Variants in GNAZ observed in about 807,000 individuals in gnomAD.
The protein encoded by GNAZ is G protein subunit alpha z.
GNAZ carries 3 observed loss-of-function variants against 25.4 expected under a neutral mutation model. That is an observed-to-expected ratio of 0.12 (90% CI 0.05 to 0.30). The LOEUF (loss-of-function observed/expected upper bound fraction) is 0.30, where lower values mean the gene tolerates loss of function less well. GNAZ is among the 10% of genes least tolerant of loss of function. The pLI, the probability that GNAZ is intolerant of heterozygous loss-of-function variation, is 1.00. For missense variants in GNAZ, 241 were observed against 501.8 expected, an observed-to-expected ratio of 0.48 and a Z score of 4.97; for synonymous variants, 211 against 205.7, an observed-to-expected ratio of 1.03 and a Z score of -0.22.
At chr22:23,078,757 G>A (rs910449507) in intron 1 of GNAZ, among the ~76,000 whole-genome samples, 1 of 152,220 alleles carries the variant, frequency 6.6e-6, no homozygotes, top group Non-Finnish European at 1.5e-5. Context: ...GGGGCTGAGG[G>A]GCCATGCAAT....
At position 23,117,036 on chromosome 22, in the gene GNAZ, C is replaced by A. The variant is rs931626143; in HGVS notation, c.724-6051C>A. Among the ~76,000 whole-genome samples the A allele has an allele frequency of 2.0e-5, 3 of 152,230 alleles. No homozygotes were observed. The South Asian group carries it at 6.2e-4, about 32-fold the overall frequency. ...GCTGGGGGATCTGTGCGCCTCAGCTCCAAAGTACAGGAGCTAGACTCCAGT... is the reference window on the plus strand; with the variant it reads ...GCTGGGGGATCTGTGCGCCTCAGCTACAAAGTACAGGAGCTAGACTCCAGT... On this transcript the variant is annotated intron_variant, in intron 2 of 2. Coordinates refer to ENST00000615612, the MANE Select transcript of GNAZ (RefSeq NM_002073.4).
intron 1 of GNAZ, among the ~76,000 whole-genome samples, chr22:23,090,201 T>G (rs1210107491): frequency 6.6e-6 from 1 of 152,056 alleles, no homozygotes; most frequent in Non-Finnish European, 1.5e-5. Context: ...CCTTTCCCAG[T>G]ACCTGCCACT....
chr22:23,098,159 C>T (rs1328608937), intron 2 of GNAZ, among the ~76,000 whole-genome samples: 3 of 152,370 alleles, frequency 2.0e-5, no homozygotes, highest in Non-Finnish European at 4.4e-5. Flanking sequence ...ACCTTGCTGC[C>T]TCTCTCTCCT....
chr22:23,103,978 T>G (rs2069381952), intron 2 of GNAZ, among the ~76,000 whole-genome samples: 2 of 152,138 alleles, frequency 1.3e-5, no homozygotes, highest in African/African-American at 4.8e-5. Context: ...AACAGGTGCC[T>G]CCTCTGTCCC....
intron 2 of GNAZ, among the ~76,000 whole-genome samples, chr22:23,102,230 G>A (rs779405518): frequency 6.6e-6 from 1 of 152,240 alleles, no homozygotes; most frequent in East Asian, 1.9e-4. Flanking sequence ...AGTGAATGAT[G>A]GGTATCTGCT....
chr22:23,096,705 T>A (rs961968367), intron 2 of GNAZ, among the ~76,000 whole-genome samples: 3 of 152,184 alleles, frequency 2.0e-5, no homozygotes, highest in Admixed American at 6.5e-5. Flanking sequence ...TGTGATAGTT[T>A]GGCAAATCCA....
At chr22:23,116,201 G>T (rs1384482661) in intron 2 of GNAZ, among the ~76,000 whole-genome samples, 1 of 152,272 alleles carries the variant, frequency 6.6e-6, no homozygotes, top group Non-Finnish European at 1.5e-5. Context: ...AGGCTGCCAG[G>T]TGAGGGGCTG....
chr22:23,105,366 C>A (rs2069435571), intron 2 of GNAZ, among the ~76,000 whole-genome samples: 1 of 152,228 alleles, frequency 6.6e-6, no homozygotes. Context: ...TTTTTGAAAA[C>A]CATCTTTTTG....
At chr22:23,119,051 G>A (rs971096353) in intron 2 of GNAZ, among the ~76,000 whole-genome samples, 7 of 152,226 alleles carry the variant, frequency 4.6e-5, no homozygotes, top group African/African-American at 1.7e-4. Context: ...GCATGCTGGG[G>A]CTTCTTGCTT....
intron 1 of GNAZ, among the ~76,000 whole-genome samples, chr22:23,093,077 C>G (rs774104792): frequency 6.6e-6 from 1 of 152,234 alleles, no homozygotes; most frequent in Non-Finnish European, 1.5e-5. Context: ...TCTCCATCCT[C>G]CATGCGCTCA....
At chr22:23,099,275 G>A (rs1286371725) in intron 2 of GNAZ, among the ~76,000 whole-genome samples, 2 of 152,268 alleles carry the variant, frequency 1.3e-5, no homozygotes, top group Non-Finnish European at 1.5e-5. Context: ...GCAGATTTCC[G>A]GGTGTCTGTG....
At chr22:23,116,449 GTCCC>G (rs1450736032) in intron 2 of GNAZ, among the ~76,000 whole-genome samples, 1 of 152,246 alleles carries the variant, frequency 6.6e-6, no homozygotes, top group African/African-American at 2.4e-5. Flanking sequence ...GCAGGCCAGT[GTCCC>G]TCCCACCCGG....
At chr22:23,077,523 G>A (rs2068539765) in intron 1 of GNAZ, among the ~76,000 whole-genome samples, 7 of 152,184 alleles carry the variant, frequency 4.6e-5, no homozygotes. Context: ...AGCCTTCTTG[G>A]AATTGGGAGG....
chr22:23,104,520 G>A (rs776403835), intron 2 of GNAZ, among the ~76,000 whole-genome samples: 6 of 152,198 alleles, frequency 3.9e-5, no homozygotes, highest in South Asian at 2.1e-4. Context: ...TTTCCTGAGC[G>A]CATTAGCTCT....
At chr22:23,094,639 G>A (rs538035859) in intron 1 of GNAZ, among the ~76,000 whole-genome samples, 1 of 152,328 alleles carries the variant, frequency 6.6e-6, no homozygotes, top group Non-Finnish European at 1.5e-5. Flanking sequence ...ACCTCACGGT[G>A]CTCCCACAGC....
At chr22:23,097,598 G>A (rs2069165189) in intron 2 of GNAZ, among the ~76,000 whole-genome samples, 1 of 152,256 alleles carries the variant, frequency 6.6e-6, no homozygotes, top group Non-Finnish European at 1.5e-5. Context: ...GTACGCAGGC[G>A]GCTGCGTCCA....
chr22:23,114,700 G>A (rs1403497439), intron 2 of GNAZ, among the ~76,000 whole-genome samples: 1 of 152,238 alleles, frequency 6.6e-6, no homozygotes, highest in Non-Finnish European at 1.5e-5. Flanking sequence ...TATTCTGTGT[G>A]TGTGTGGTTA....
intron 1 of GNAZ, among the ~76,000 whole-genome samples, chr22:23,088,759 T>C (rs2068884471): frequency 1.3e-5 from 2 of 152,134 alleles, no homozygotes; most frequent in Non-Finnish European, 2.9e-5. Context: ...TCAGGGTGTG[T>C]GGTAGGTATC....
At chr22:23,115,629 CGGT>C (rs1240679560) in intron 2 of GNAZ, among the ~76,000 whole-genome samples, 1 of 152,160 alleles carries the variant, frequency 6.6e-6, no homozygotes, top group Non-Finnish European at 1.5e-5. Flanking sequence ...AGTGATGCCT[CGGT>C]GACCCCTAAG....
Sources: gnomAD v4.1 joint callset for allele counts (sites outside exome capture counted in the v4.1 genomes callset) on GRCh38, gnomAD v4.1.1 for gene constraint, MANE v1.5 for transcripts, NCBI Gene and HGNC (gene_info 2026-07-23, HGNC 2026-07-21) for gene names.